Variants in MINK1 observed in about 807,000 individuals in gnomAD.
MINK1 encodes misshapen-like kinase 1.
A neutral mutation model predicts 178.4 loss-of-function variants in MINK1; 46 were observed. That is an observed-to-expected ratio of 0.26 (90% CI 0.20 to 0.33). MINK1 has a LOEUF of 0.33. Among genes scored for constraint, MINK1 ranks in the 10% least tolerant of loss-of-function variants. MINK1 has a pLI of 1.00. For missense variants in MINK1, 1,366 were observed against 1,814.9 expected (o/e 0.75, Z 4.49); for synonymous variants, 797 against 709.7 (o/e 1.12, Z -1.96).
chr17:4,887,692 C>G lies in MINK1; in HGVS notation c.1132C>G (p.Gln378Glu). The G allele has an allele frequency of 6.4e-7, 1 of 1,561,350 alleles. No homozygotes were observed. Among genetic ancestry groups the G allele is most frequent in the Non-Finnish European group, 8.7e-7 (1 of 1,153,998 alleles). ...AAAACAGCAGCAGCAGCTGCAGCAG[C>G]AGCAGCAGCGAGACCCCGAGGCACA... ...ALKQQQQLQQ[Q>E]QQRDPEAHIK... The change falls in exon 12 of 32, where the codon CAG becomes GAG. Residue 378 changes from glutamine to glutamate, a missense_variant. Physicochemically the swap from Gln to Glu is conservative, Grantham distance 29. Around this residue, in one of 14 missense-constraint regions of MINK1, gnomAD observed 56 missense variants for 64.0 expected, o/e 0.87. Coordinates refer to ENST00000355280, the MANE Select transcript of MINK1 (RefSeq NM_153827.5). This position sits in a 1 kb window ranked among gnomAD's most constrained non-coding sequence, Gnocchi z 7.6.
In MINK1 at chr17:4,886,080, G is replaced by A. The variant is rs1262827245; in HGVS notation, c.695-40G>A. 2.5e-6 allele frequency: 4 copies of A among 1,611,752 alleles called. No homozygotes were observed. In the African/African-American group the frequency reaches 5.3e-5, roughly 22 times the overall value. On this transcript the variant is annotated intron_variant, in intron 8 of 31. Transcript: ENST00000355280. This position sits in a 1 kb window ranked among gnomAD's most constrained non-coding sequence, Gnocchi z 6.1. ...CCGAGGAAGGGTCCTGTAGCTCCCA[G>A]TGCAGTGAAAGGGACTGAGGGTGTC... is the stretch of plus-strand genomic sequence containing the variant.
At chr17:4,858,758 G>A (rs1046304276) in intron 1 of MINK1, among the ~76,000 whole-genome samples, 9 of 152,052 alleles carry the variant, frequency 5.9e-5, no homozygotes, top group Non-Finnish European at 1.2e-4. Context: ...CTCTTCTCCC[G>A]CTTCCGCATC....
rs543709317 is a variant in MINK1 at position 4,893,508 on chromosome 17, G to C, written c.2475G>C (p.Ser825=). 5.7e-5 allele frequency: 91 copies of C among 1,599,560 alleles called. No homozygotes were observed. Among genetic ancestry groups the C allele is most frequent in the East Asian group, 5.4e-4 (24 of 44,450 alleles). The change falls in exon 21 of 32, where the codon TCG becomes TCC. Residue 825 remains serine, a synonymous_variant. Transcript: ENST00000355280. The part of the protein sequence containing the change: ...RPPKKAMDYS[S]SSEEVESSED... ...CCAAGAAGGCCATGGACTACTCGTC[G>C]TCCAGCGAGGAGGTGGAAAGCAGTG... is the stretch of plus-strand genomic sequence containing the variant.
At chr17:4,893,644 GA>G in intron 21 of MINK1, 47 bp downstream of exon 21, 2 of 1,499,218 alleles carry the variant, frequency 1.3e-6, no homozygotes, top group Non-Finnish European at 1.8e-6. Flanking sequence ...CACAGGGAGG[GA>G]GGGGAAGTGG....
rs1969092041 is a variant in MINK1 at position 4,893,507 on chromosome 17, C to T, written c.2474C>T (p.Ser825Leu). ...CCCAAGAAGGCCATGGACTACTCGT[C>T]GTCCAGCGAGGAGGTGGAAAGCAGT... ...RPPKKAMDYS[S>L]SSEEVESSED... The change falls in exon 21 of 32, where the codon TCG (serine) becomes TTG (leucine). Residue 825 changes from serine (S) to leucine (L), a missense_variant. Physicochemically the swap from Ser to Leu is moderately radical, Grantham distance 145 (BLOSUM62 -2). Transcript: ENST00000355280. The T allele has an allele frequency of 1.3e-6, 2 of 1,599,346 alleles. No individual in the cohort carries two copies. The highest frequency in any genetic ancestry group is 1.7e-6 in the Non-Finnish European group (2 of 1,168,758).
chr17:4,867,030 GC>G (rs1915088805), intron 1 of MINK1, among the ~76,000 whole-genome samples: 1 of 144,742 alleles, frequency 6.9e-6, no homozygotes, highest in South Asian at 2.2e-4. Context: ...CCGGGACCGT[GC>G]CGCTTGCACT....
At position 4,896,744 on chromosome 17, in the gene MINK1, C is replaced by G; in HGVS notation, c.3846C>G (p.Gly1282=). The change falls in exon 31 of 32, where the codon GGC becomes GGG. Residue 1282 remains glycine, a synonymous_variant. Transcript: ENST00000355280. This position sits in a 1 kb window ranked among gnomAD's most constrained non-coding sequence, Gnocchi z 4.6. Reference sequence around the variant, plus strand: ...TTGAGATCCGCTCTGTGGAGACGGGCCACCTCGACGGGGTCTTCATGCACA... The same window carrying G: ...TTGAGATCCGCTCTGTGGAGACGGGGCACCTCGACGGGGTCTTCATGCACA... ...KAIEIRSVET[G]HLDGVFMHKR... is the part of the protein sequence containing the mutation. The G allele has an allele frequency of 1.2e-6, 2 of 1,601,986 alleles. No homozygotes were observed. Among genetic ancestry groups the G allele is most frequent in the South Asian group, 2.2e-5 (2 of 89,532 alleles).
At chr17:4,845,338 C>A (rs528867853) in intron 1 of MINK1, among the ~76,000 whole-genome samples, 13 of 152,134 alleles carry the variant, frequency 8.5e-5, no homozygotes, top group Admixed American at 3.3e-4. Context: ...CCATGACTTG[C>A]GTTCTGGTTC....
At position 4,889,680 on chromosome 17, in the gene MINK1, CAGG is replaced by C. The variant is rs755895009; in HGVS notation, c.1267_1269del (p.Glu423del). 4 of 1,563,442 alleles carry C rather than the reference CAGG, an allele frequency of 2.6e-6. No homozygotes were observed. The highest frequency in any genetic ancestry group is 3.8e-5 in the Admixed American group (2 of 52,758). On this transcript the variant is annotated inframe_deletion, in exon 13 of 32. Coordinates refer to ENST00000355280, the MANE Select transcript of MINK1 (RefSeq NM_153827.5). The stretch of plus-strand genomic sequence containing the variant: ...GCGGGAGCGGGAGCAGCGGAAGCTG[CAGG>C]AGAAGGAGCAGCAGCGGCGGCTGGA...
rs1968193748 is a variant in MINK1 at position 4,886,321 on chromosome 17, G to A, written c.773+123G>A. 6.0e-6 allele frequency: 9 copies of A among 1,493,082 alleles called. No individual in the cohort carries two copies. Among genetic ancestry groups the A allele is most frequent in the South Asian group, 2.3e-5 (2 of 87,146 alleles). 92.5% of individuals were successfully genotyped at this position (1,493,082 alleles called of 1,614,324 possible). On this transcript the variant is annotated intron_variant, in intron 9 of 31. Transcript: ENST00000355280. The surrounding 1 kb of genome is among the most constrained non-coding windows in gnomAD (Gnocchi z 6.1). ...GAAGAGATTCTGGGGGGCAGAGGGC[G>A]GTGACTGGTGTTGGGATATGAAGAC...
At chr17:4,846,879 G>C (rs1911123362) in intron 1 of MINK1, among the ~76,000 whole-genome samples, 1 of 152,208 alleles carries the variant, frequency 6.6e-6, no homozygotes. Flanking sequence ...CAAGGCCTCA[G>C]AGCTAGTGAG....
intron 1 of MINK1, among the ~76,000 whole-genome samples, chr17:4,842,952 G>A (rs998001107): frequency 6.6e-6 from 1 of 152,212 alleles, no homozygotes; most frequent in Non-Finnish European, 1.5e-5. Flanking sequence ...CTGGGAAGCA[G>A]CACAGCTGAG....
At chr17:4,875,383 G>A (rs931196314) in intron 1 of MINK1, among the ~76,000 whole-genome samples, 3 of 152,154 alleles carry the variant, frequency 2.0e-5, no homozygotes, top group Non-Finnish European at 4.4e-5. Context: ...GCTGAGGTGG[G>A]AGGATTGCTT....
At chr17:4,880,396 G>A (rs1422447262) in intron 2 of MINK1, among the ~76,000 whole-genome samples, 15 of 148,956 alleles carry the variant, frequency 1.0e-4, no homozygotes, top group Non-Finnish European at 1.6e-4. Flanking sequence ...GGCAATTCTC[G>A]TGCCTCAGCC....
At position 4,836,394 on chromosome 17, in the gene MINK1, C is replaced by T. The variant is rs1213865181; in HGVS notation, c.57+2754C>T. Among the ~76,000 whole-genome samples the T allele has an allele frequency of 2.6e-5, 4 of 152,158 alleles. No individual in the cohort carries two copies. The highest frequency in any genetic ancestry group is 2.9e-5 in the Non-Finnish European group (2 of 68,028). On this transcript the variant is annotated intron_variant, in intron 1 of 31. Transcript: ENST00000355280. The surrounding 1 kb of genome is among the most constrained non-coding windows in gnomAD (Gnocchi z 4.3). ...AGATGGACCTGCTACTTTGTAGCCA[C>T]AGCCACACTTGACCTCTTTGAGGTT...
At chr17:4,879,984 C>G (rs1337346814) in intron 2 of MINK1, among the ~76,000 whole-genome samples, 1 of 152,194 alleles carries the variant, frequency 6.6e-6, no homozygotes, top group Non-Finnish European at 1.5e-5. Flanking sequence ...GCCCCTCCCT[C>G]CCTAGCCTCC....
intron 1 of MINK1, among the ~76,000 whole-genome samples, chr17:4,839,012 T>A (rs9897835): frequency 6.6e-6 from 1 of 151,748 alleles, no homozygotes; most frequent in Non-Finnish European, 1.5e-5. Flanking sequence ...GGCGCGATCT[T>A]GGCTCACTGC....
Position 4,833,613 on chromosome 17 carries a change from GGAC to G in MINK1, c.34_36del (p.Asp12del). 1 of 1,501,980 alleles carries G rather than the reference GGAC, an allele frequency of 6.7e-7. No individual in the cohort carries two copies. The highest frequency in any genetic ancestry group is 8.8e-7 in the Non-Finnish European group (1 of 1,132,176). The allele number at this position is 1,501,980 out of a possible 1,614,324, so 93.0% of individuals were successfully genotyped here. Reference sequence around the variant, plus strand: ...GCGACCCAGCCCCCGCCCGCAGCCTGGACGACATCGACCTGTCCGCCCTGCGGG... The same window carrying G: ...GCGACCCAGCCCCCGCCCGCAGCCTGGACATCGACCTGTCCGCCCTGCGGG... On this transcript the variant is annotated inframe_deletion, in exon 1 of 32. Coordinates refer to ENST00000355280, the MANE Select transcript of MINK1 (RefSeq NM_153827.5). This position sits in a 1 kb window ranked among gnomAD's most constrained non-coding sequence, Gnocchi z 4.8.
Position 4,896,396 on chromosome 17 carries a change from C to T in MINK1, c.3616-33C>T. The T allele has an allele frequency of 1.2e-6, 2 of 1,610,428 alleles. No individual in the cohort carries two copies. Among genetic ancestry groups the T allele is most frequent in the Non-Finnish European group, 1.7e-6 (2 of 1,177,778 alleles). On this transcript the variant is annotated intron_variant, in intron 29 of 31. Coordinates refer to ENST00000355280, the MANE Select transcript of MINK1 (RefSeq NM_153827.5). This position sits in a 1 kb window ranked among gnomAD's most constrained non-coding sequence, Gnocchi z 4.6. ...GGGATGGCCCAGTCTGGGCACCAGACACGGAGACTCTAGTCCCCCTCCTTC... is the reference window on the plus strand; with the variant it reads ...GGGATGGCCCAGTCTGGGCACCAGATACGGAGACTCTAGTCCCCCTCCTTC...
Sources: allele counts gnomAD v4.1 joint callset (sites outside exome capture counted in the v4.1 genomes callset), GRCh38; gene constraint gnomAD v4.1.1; regional missense constraint gnomAD v4.1.1; non-coding constraint Gnocchi (gnomAD v3.1); transcripts MANE v1.5; gene names NCBI Gene and HGNC (gene_info 2026-07-23, HGNC 2026-07-21).